Variants in WARS1 observed in about 807,000 individuals in gnomAD.
WARS1 encodes tryptophanyl-tRNA synthetase 1.
In WARS1, 17 loss-of-function variants were observed where a neutral mutation model predicts 47.8. The ratio of observed to expected loss-of-function variants is 0.36; its 90% CI spans 0.24 to 0.53. WARS1 has a LOEUF of 0.53. Ranked by LOEUF, WARS1 falls within the 20% of genes least tolerant of loss-of-function variation. The probability of loss-of-function intolerance (pLI) is 0.91; values close to 1 mark genes in which losing one functional copy is unlikely to be tolerated. For synonymous variants in WARS1, 208 were observed against 228.1 expected, an observed-to-expected ratio of 0.91 and a Z score of 0.79; for missense variants, 434 against 608.0, an observed-to-expected ratio of 0.71 and a Z score of 3.01.
At chr14:100,348,416 G>A (rs779423108) in intron 6 of WARS1, among the ~76,000 whole-genome samples, 6 of 152,188 alleles carry the variant, frequency 3.9e-5, no homozygotes, top group Non-Finnish European at 7.4e-5. Flanking sequence ...CTTTCGCCTA[G>A]CAGCCGGCTG....
chr14:100,334,506 CAG>C lies in WARS1; in HGVS notation c.*367_*368del, dbSNP rs1165589283. On this transcript the variant is annotated 3_prime_UTR_variant, in exon 11 of 11. Transcript: ENST00000392882. ...CATACATAGAATATATATTTTTAAA[CAG>C]AGTGGGTCTTAAGAGTATACTTGGA... is the stretch of plus-strand genomic sequence containing the variant. 3 of 164,392 alleles carry C rather than the reference CAG, an allele frequency of 1.8e-5. No individual in the cohort carries two copies. Among genetic ancestry groups the C allele is most frequent in the Non-Finnish European group, 4.0e-5 (3 of 75,946 alleles). 10.2% of individuals were successfully genotyped at this position (164,392 alleles called of 1,614,324 possible).
At chr14:100,361,594 G>T in intron 3 of WARS1, 114 bp downstream of exon 3, 2 of 1,087,670 alleles carry the variant, frequency 1.8e-6, no homozygotes, top group Admixed American at 2.5e-5. Flanking sequence ...TCTTGGCATT[G>T]AAGCTTCACT....
chr14:100,367,928 GA>G, intron 2 of WARS1, among the ~76,000 whole-genome samples: 1 of 149,590 alleles, frequency 6.7e-6, no homozygotes, highest in Admixed American at 6.8e-5. Context: ...GAAACAATTG[GA>G]AGATTTGCTC....
At chr14:100,351,499 CAAAA>C (rs71464656) in intron 6 of WARS1, among the ~76,000 whole-genome samples, 18 of 115,070 alleles carry the variant, frequency 1.6e-4, no homozygotes, top group Non-Finnish European at 1.8e-4. Context: ...GACTCTGTCT[CAAAA>C]AAAAAAAAAA....
In WARS1 at chr14:100,373,147, C is replaced by G. The variant is rs984712203; in HGVS notation, c.-74+2136G>C. Among the ~76,000 whole-genome samples, 1 of 152,182 alleles carries G rather than the reference C, an allele frequency of 6.6e-6. No individual in the cohort carries two copies. Among genetic ancestry groups the G allele is most frequent in the Non-Finnish European group, 1.5e-5 (1 of 68,038 alleles). The stretch of plus-strand genomic sequence containing the variant: ...CCATGTACCTCTAGTACCTGGCACA[C>G]AGCTTATCAAAAAATATTTACCTAA... On this transcript the variant is annotated intron_variant, in intron 1 of 10. Coordinates refer to ENST00000392882, the MANE Select transcript of WARS1 (RefSeq NM_004184.4). The surrounding 1 kb of genome is among the most constrained non-coding windows in gnomAD (Gnocchi z 4.4).
intron 5 of WARS1, chr14:100,354,089 A>G: frequency 1.8e-6 from 1 of 551,006 alleles, no homozygotes; most frequent in South Asian, 2.3e-5. Flanking sequence ...TAGCTGCTCT[A>G]CACACTTTGT....
chr14:100,365,319 C>T (rs1181201039), intron 2 of WARS1, among the ~76,000 whole-genome samples: 4 of 152,064 alleles, frequency 2.6e-5, no homozygotes, highest in Non-Finnish European at 5.9e-5. Flanking sequence ...GTGGCTCACA[C>T]CTGTCATCCC....
intron 10 of WARS1, among the ~76,000 whole-genome samples, chr14:100,336,275 C>CA (rs56343247): frequency 0.02 from 2,243 of 113,922 alleles, 96 homozygotes; most frequent in African/African-American, 0.07. Context: ...GACTCTGTCT[C>CA]AAAAAAAAAA....
chr14:100,364,032 C>T (rs139788339), intron 2 of WARS1, among the ~76,000 whole-genome samples: 9 of 152,208 alleles, frequency 5.9e-5, no homozygotes, highest in East Asian at 3.9e-4. Flanking sequence ...GAGGCTGAGG[C>T]GCGTGAGGGT....
chr14:100,369,287 G>A, intron 1 of WARS1, 29 bp from the exon 2 acceptor site: 1 of 770,484 alleles, frequency 1.3e-6, no homozygotes, highest in Non-Finnish European at 1.8e-6. Context: ...AGGAGAGAGA[G>A]GAAAAACCAG....
At chr14:100,345,524 C>G (rs1236597883) in intron 7 of WARS1, among the ~76,000 whole-genome samples, 1 of 151,780 alleles carries the variant, frequency 6.6e-6, no homozygotes, top group African/African-American at 2.4e-5. Flanking sequence ...ACAAACACTG[C>G]GGAAGGCCGC....
chr14:100,356,403 G>C (rs941359923), intron 4 of WARS1, among the ~76,000 whole-genome samples: 1 of 149,884 alleles, frequency 6.7e-6, no homozygotes, highest in Non-Finnish European at 1.5e-5. Flanking sequence ...GTGTGTGGGG[G>C]GGGGTGTGGA....
At position 100,338,936 on chromosome 14, in the gene WARS1, G is replaced by A. The variant is rs549876046; in HGVS notation, c.1114-1734C>T. ...AGCCTGACCAACATGAAGAAACCCC[G>A]TCTCTACTGAAACTACAAAATTAGC... On this transcript the variant is annotated intron_variant, in intron 9 of 10. Transcript: ENST00000392882. Among the ~76,000 whole-genome samples the A allele has an allele frequency of 1.1e-4, 17 of 151,322 alleles. 1 individual carries two copies. The highest frequency in any genetic ancestry group is 3.9e-4 in the African/African-American group (16 of 41,342).
intron 4 of WARS1, among the ~76,000 whole-genome samples, chr14:100,359,650 G>A (rs1895538594): frequency 6.6e-6 from 1 of 152,158 alleles, no homozygotes; most frequent in Admixed American, 6.5e-5. Flanking sequence ...ACAACTTCTG[G>A]CATAAATGGG....
rs1235220902 is a variant in WARS1 at position 100,356,396 on chromosome 14, TG to T, written c.423-1831del. ...CAAAGTGACTGGGTGTGTGTGTGTG[TG>T]TGGGGGGGGGTGTGGAATAAAAGAG... On this transcript the variant is annotated intron_variant, in intron 4 of 10. Coordinates refer to ENST00000392882, the MANE Select transcript of WARS1 (RefSeq NM_004184.4). Among the ~76,000 whole-genome samples, 5 of 98,824 alleles carry T rather than the reference TG, an allele frequency of 5.1e-5. 1 individual carries two copies. Among genetic ancestry groups the T allele is most frequent in the Non-Finnish European group, 1.1e-4 (5 of 45,180 alleles). 64.8% of individuals were successfully genotyped at this position (98,824 alleles called of 152,430 possible).
intron 9 of WARS1, among the ~76,000 whole-genome samples, chr14:100,341,617 C>G (rs77161761): frequency 6.6e-6 from 1 of 152,202 alleles, no homozygotes; most frequent in African/African-American, 2.4e-5. Flanking sequence ...TATACACTGG[C>G]TGTTGAGGAA....
intron 4 of WARS1, among the ~76,000 whole-genome samples, chr14:100,356,398 T>A (rs2400879): frequency 1.9e-5 from 2 of 106,356 alleles, no homozygotes; most frequent in East Asian, 6.1e-4. Context: ...TGTGTGTGTG[T>A]GGGGGGGGGT....
Position 100,366,798 on chromosome 14 carries a change from CAA to C in WARS1, c.99+2287_99+2288del, listed in dbSNP as rs1204101837. Reference sequence around the variant, plus strand: ...GCTTGAAGATACATGGGTGGCTTTGCAAAGAGTGTTTCCTTTTTTGATGTATT... The same window carrying C: ...GCTTGAAGATACATGGGTGGCTTTGCAGAGTGTTTCCTTTTTTGATGTATT... On this transcript the variant is annotated intron_variant, in intron 2 of 10. Transcript: ENST00000392882. 7.2e-6 allele frequency: 10 copies of C among 1,387,972 alleles called. No homozygotes were observed. The African/African-American group carries it at 9.9e-5, about 14-fold the overall frequency. 86.0% of individuals were successfully genotyped at this position (1,387,972 alleles called of 1,614,324 possible).
At position 100,334,291 on chromosome 14, in the gene WARS1, T is replaced by G. The variant is rs1277505723; in HGVS notation, c.*584A>C. ...ATCAAAATTGCTGAACTCTGTTCAATCTTCATTGTTAAAAGCAGCTTTAAA... is the reference window on the plus strand; with the variant it reads ...ATCAAAATTGCTGAACTCTGTTCAAGCTTCATTGTTAAAAGCAGCTTTAAA... On this transcript the variant is annotated 3_prime_UTR_variant, in exon 11 of 11. Coordinates refer to ENST00000392882, the MANE Select transcript of WARS1 (RefSeq NM_004184.4). 6.6e-6 allele frequency: 1 copy of G among 152,648 alleles called. No homozygotes were observed. Among genetic ancestry groups the G allele is most frequent in the African/African-American group, 2.4e-5 (1 of 41,458 alleles). 9.5% of individuals were successfully genotyped at this position (152,648 alleles called of 1,614,324 possible). A position where few individuals can be genotyped will look rare whatever the true frequency, so the allele number is the denominator to read the frequency against.
Sources: gnomAD v4.1 joint callset for allele counts (sites outside exome capture counted in the v4.1 genomes callset) on GRCh38, gnomAD v4.1.1 for gene constraint, Gnocchi (gnomAD v3.1) non-coding constraint, MANE v1.5 for transcripts, NCBI Gene and HGNC (gene_info 2026-07-23, HGNC 2026-07-21) for gene names.